Variants in OXCT1 observed in about 807,000 individuals in gnomAD.
OXCT1 encodes the protein 3-oxoacid CoA-transferase 1, also known as succinyl-CoA:3-ketoacid coenzyme A transferase 1, mitochondrial.
In OXCT1, 27 loss-of-function variants were observed where a neutral mutation model predicts 69.6. The ratio of observed to expected loss-of-function variants is 0.39; its 90% CI spans 0.29 to 0.54. The LOEUF is 0.54. Ranked by LOEUF, OXCT1 falls within the 20% of genes least tolerant of loss-of-function variation. OXCT1 has a pLI of 0.72. For synonymous variants in OXCT1, 202 were observed against 217.8 expected (o/e 0.93, Z 0.64); for missense variants, 437 against 650.2 (o/e 0.67, Z 3.57).
intron 13 of OXCT1, among the ~76,000 whole-genome samples, chr5:41,766,373 A>T (rs896950061): frequency 5.9e-5 from 9 of 152,172 alleles, no homozygotes; most frequent in African/African-American, 1.9e-4. Flanking sequence ...GCACCAAGAT[A>T]GGAATTAGAA....
chr5:41,754,723 T>C (rs1743975214), intron 14 of OXCT1, among the ~76,000 whole-genome samples: 1 of 152,078 alleles, frequency 6.6e-6, no homozygotes, highest in African/African-American at 2.4e-5. Context: ...TTTCCAACAA[T>C]CCACTCAGGA....
At chr5:41,752,757 A>C (rs1283685049) in intron 14 of OXCT1, among the ~76,000 whole-genome samples, 1 of 151,948 alleles carries the variant, frequency 6.6e-6, no homozygotes, top group African/African-American at 2.4e-5. Flanking sequence ...ACAAACAAAC[A>C]AAAACAAACA....
intron 7 of OXCT1, among the ~76,000 whole-genome samples, chr5:41,831,949 T>C (rs974368965): frequency 2.0e-5 from 3 of 152,200 alleles, no homozygotes; most frequent in Non-Finnish European, 2.9e-5. Context: ...TCTTTTCCTC[T>C]GATTAACCTC....
At chr5:41,830,351 TTTC>T (rs1344829012) in intron 7 of OXCT1, among the ~76,000 whole-genome samples, 5 of 152,322 alleles carry the variant, frequency 3.3e-5, no homozygotes, top group Non-Finnish European at 7.4e-5. Context: ...CACCTTTTTC[TTTC>T]TCTTAAAAGA....
intron 3 of OXCT1, among the ~76,000 whole-genome samples, chr5:41,854,505 G>A (rs1342127314): frequency 6.6e-6 from 1 of 151,940 alleles, no homozygotes. Flanking sequence ...CCATTCAAGA[G>A]TCAGAAATAT....
intron 4 of OXCT1, among the ~76,000 whole-genome samples, chr5:41,852,855 C>T (rs1371106053): frequency 1.3e-5 from 2 of 152,048 alleles, no homozygotes; most frequent in East Asian, 1.9e-4. Flanking sequence ...GTCAGGAGTT[C>T]GAGACCAGCC....
At chr5:41,769,090 C>A (rs748926355) in intron 13 of OXCT1, among the ~76,000 whole-genome samples, 1 of 152,152 alleles carries the variant, frequency 6.6e-6, no homozygotes, top group Non-Finnish European at 1.5e-5. Flanking sequence ...AGACCTCTGT[C>A]CCACGCTATC....
chr5:41,840,514 A>G lies in OXCT1; in HGVS notation c.672-3T>C, dbSNP rs534705079. 41 of 1,609,550 alleles carry G rather than the reference A, an allele frequency of 2.5e-5. No individual in the cohort carries two copies. In the East Asian group the frequency reaches 3.1e-4, roughly 12 times the overall value. ...AGTTGAAATTCCTTGCACTTTTCCT[A>G]CAGGGGTGGAGGAGATAAGAAAGTG... On this transcript the variant is annotated splice_polypyrimidine_tract_variant and splice_region_variant and intron_variant, in intron 6 of 16. Coordinates refer to ENST00000196371, the MANE Select transcript of OXCT1 (RefSeq NM_000436.4).
At chr5:41,832,270 C>T (rs1427084617) in intron 7 of OXCT1, among the ~76,000 whole-genome samples, 1 of 152,070 alleles carries the variant, frequency 6.6e-6, no homozygotes, top group Non-Finnish European at 1.5e-5. Context: ...ACCACAGTCC[C>T]AGTGGTGGTG....
intron 13 of OXCT1, among the ~76,000 whole-genome samples, chr5:41,786,047 A>T (rs1167570691): frequency 6.6e-6 from 1 of 152,210 alleles, no homozygotes; most frequent in African/African-American, 2.4e-5. Context: ...GTGAGAGAGG[A>T]ACAACCTCAA....
At chr5:41,853,579 A>C in intron 3 of OXCT1, 25 bp from the exon 4 acceptor site, 1 of 1,612,254 alleles carries the variant, frequency 6.2e-7, no homozygotes, top group Non-Finnish European at 8.5e-7. Context: ...AAGGGAGCTT[A>C]CCAAAGAGCA....
At chr5:41,763,457 C>T (rs1744445510) in intron 13 of OXCT1, among the ~76,000 whole-genome samples, 1 of 151,984 alleles carries the variant, frequency 6.6e-6, no homozygotes, top group Non-Finnish European at 1.5e-5. Flanking sequence ...TAGCTGCAAC[C>T]CTAATAAACT....
chr5:41,824,720 A>T (rs1264667560), intron 7 of OXCT1, among the ~76,000 whole-genome samples: 1 of 152,178 alleles, frequency 6.6e-6, no homozygotes, highest in Non-Finnish European at 1.5e-5. Context: ...TACTACTTTT[A>T]TTTCTAAAGG....
In OXCT1 at chr5:41,801,089, A is replaced by T. The variant is rs1466929612; in HGVS notation, c.1051-19T>A. 1 of 1,578,044 alleles carries T rather than the reference A, an allele frequency of 6.3e-7. No individual in the cohort carries two copies. The highest frequency in any genetic ancestry group is 8.7e-7 in the Non-Finnish European group (1 of 1,147,304). On this transcript the variant is annotated intron_variant, in intron 10 of 16. Transcript: ENST00000196371. ...ATGGACCCTGTCAAATACAACATAC[A>T]TTCAATTAGTAAATGAAGATTCTCA...
At chr5:41,869,360 G>A (rs1435997214) in intron 1 of OXCT1, among the ~76,000 whole-genome samples, 1 of 152,196 alleles carries the variant, frequency 6.6e-6, no homozygotes, top group African/African-American at 2.4e-5. Context: ...CGATTGAGAC[G>A]GCGGGGATAA....
intron 12 of OXCT1, chr5:41,794,363 A>G (rs910489803): frequency 1.7e-6 from 1 of 593,778 alleles, no homozygotes; most frequent in Admixed American, 3.1e-5. Flanking sequence ...ACTTGAACAC[A>G]AACACTAGCT....
At chr5:41,822,375 G>C (rs573684261) in intron 7 of OXCT1, among the ~76,000 whole-genome samples, 1 of 152,230 alleles carries the variant, frequency 6.6e-6, no homozygotes, top group South Asian at 2.1e-4. Flanking sequence ...TGTTTTTGTG[G>C]AGAACTGACC....
intron 11 of OXCT1, among the ~76,000 whole-genome samples, chr5:41,797,518 G>T (rs1019829580): frequency 6.6e-6 from 1 of 152,052 alleles, no homozygotes; most frequent in African/African-American, 2.4e-5. Flanking sequence ...ACACAAAGAG[G>T]GCTTTCTTAT....
At chr5:41,848,989 G>A (rs1225242986) in intron 5 of OXCT1, among the ~76,000 whole-genome samples, 3 of 152,200 alleles carry the variant, frequency 2.0e-5, no homozygotes, top group Non-Finnish European at 2.9e-5. Context: ...CCATCAGAGT[G>A]AACAGGCAAC....
Sources: allele counts gnomAD v4.1 joint callset (sites outside exome capture counted in the v4.1 genomes callset), GRCh38; gene constraint gnomAD v4.1.1; transcripts MANE v1.5; gene names NCBI Gene and HGNC (gene_info 2026-07-23, HGNC 2026-07-21).